CLEC3B: variants seen among roughly 807,000 people sequenced by gnomAD.
CLEC3B encodes tetranectin.
CLEC3B carries 13 observed loss-of-function variants against 15.4 expected under a neutral mutation model. The observed-to-expected ratio is 0.84, with a 90% CI of 0.55 to 1.34. CLEC3B has a LOEUF of 1.34. Among genes scored for constraint, CLEC3B ranks in the 40% most tolerant of loss-of-function variants. The pLI, the probability that CLEC3B is intolerant of heterozygous loss-of-function variation, is 0.00. For missense variants in CLEC3B, 242 were observed against 268.6 expected, an observed-to-expected ratio of 0.90 and a Z score of 0.69; for synonymous variants, 112 against 114.7, an observed-to-expected ratio of 0.98 and a Z score of 0.15.
chr3:45,026,367 A>G lies in CLEC3B; in HGVS notation c.5A>G (p.Glu2Gly). 1.2e-6 allele frequency: 2 copies of G among 1,613,582 alleles called. No homozygotes were observed. Among genetic ancestry groups the G allele is most frequent in the East Asian group, 2.2e-5 (1 of 44,864 alleles). The part of the protein sequence containing the change: M[E>G]LWGAYLLLCL... Reference sequence around the variant, plus strand: ...AGCCCCCGCCCGCGCAGCAGCATGGAGCTCTGGGGGGCCTACCTCCTCCTC... The same window carrying G: ...AGCCCCCGCCCGCGCAGCAGCATGGGGCTCTGGGGGGCCTACCTCCTCCTC... The change falls in exon 1 of 3, where the codon GAG becomes GGG. Residue 2 changes from glutamate to glycine, a missense_variant. Glu to Gly is a moderately conservative substitution (Grantham distance 98, BLOSUM62 -2). Transcript: ENST00000296130.
rs1697542003 is a variant in CLEC3B at position 45,030,729 on chromosome 3, G to T, written c.110-98G>T. On this transcript the variant is annotated intron_variant, in intron 1 of 2. Coordinates refer to ENST00000296130, the MANE Select transcript of CLEC3B (RefSeq NM_003278.3). ...GAGAGAAAGTTTCCCAAGATATCAA[G>T]GTTGAGGGGAGTCTTTTCCTCTCAT... The T allele has an allele frequency of 3.9e-6, 3 of 777,392 alleles. No individual in the cohort carries two copies. The South Asian group carries it at 5.1e-5, about 13-fold the overall frequency. The allele number at this position is 777,392 out of a possible 1,614,324, so 48.2% of individuals were successfully genotyped here.
chr3:45,028,166 T>A (rs562513533), intron 1 of CLEC3B, among the ~76,000 whole-genome samples: 165 of 152,328 alleles, frequency 1.1e-3, no homozygotes, highest in African/African-American at 3.5e-3. Flanking sequence ...GTCTATATGC[T>A]GGACACACAG....
intron 1 of CLEC3B, among the ~76,000 whole-genome samples, chr3:45,028,772 C>G (rs1370360876): frequency 6.6e-6 from 1 of 152,094 alleles, no homozygotes; most frequent in Non-Finnish European, 1.5e-5. Context: ...AAAGAAGGGA[C>G]GGTCATGCCA....
At chr3:45,035,480 G>A (rs371205962) in intron 2 of CLEC3B, 44 bp from the exon 3 acceptor site, 80 of 1,555,792 alleles carry the variant, frequency 5.1e-5, no homozygotes, top group Non-Finnish European at 3.1e-5. Flanking sequence ...TTTGCCTGGG[G>A]AACAGGGGGA....
chr3:45,030,718 C>T (rs1697541941), intron 1 of CLEC3B, 109 bp from the exon 2 acceptor site: 1 of 723,730 alleles, frequency 1.4e-6, no homozygotes, highest in Non-Finnish European at 2.3e-6. Context: ...GAAAGTTTCC[C>T]AAGATATCAA....
intron 1 of CLEC3B, among the ~76,000 whole-genome samples, chr3:45,028,149 G>A (rs1697508511): frequency 6.6e-6 from 1 of 152,164 alleles, no homozygotes; most frequent in African/African-American, 2.4e-5. Flanking sequence ...TCTCCACGTA[G>A]GCACCAGTCT....
intron 2 of CLEC3B, among the ~76,000 whole-genome samples, chr3:45,032,812 T>TA (rs1461441353): frequency 5.9e-5 from 9 of 152,216 alleles, no homozygotes. Context: ...AGTAGGTAGT[T>TA]ATAAGTTTTT....
chr3:45,035,909 G>A lies in CLEC3B; in HGVS notation c.594G>A (p.Gln198=), dbSNP rs1697638172. The change falls in exon 3 of 3, where the codon CAG becomes CAA. Residue 198 remains glutamine (Q), a synonymous_variant. Coordinates refer to ENST00000296130, the MANE Select transcript of CLEC3B (RefSeq NM_003278.3). ...GCGATCAGCTGCCCTACATCTGCCA[G>A]TTCGGGATCGTGTAGCCGGCGGGGC... ...RCRDQLPYIC[Q]FGIV The A allele has an allele frequency of 4.4e-6, 7 of 1,594,330 alleles. No individual in the cohort carries two copies. Among genetic ancestry groups the A allele is most frequent in the Admixed American group, 3.4e-5 (2 of 59,636 alleles).
At position 45,036,055 on chromosome 3, in the gene CLEC3B, C is replaced by G; in HGVS notation, c.*131C>G. On this transcript the variant is annotated 3_prime_UTR_variant, in exon 3 of 3. Coordinates refer to ENST00000296130, the MANE Select transcript of CLEC3B (RefSeq NM_003278.3). ...CCTCTTTTTGCAAATAAAGTTGGTGCAGCTTCGCGGAGAGGAGAGGCGCTG... is the reference window on the plus strand; with the variant it reads ...CCTCTTTTTGCAAATAAAGTTGGTGGAGCTTCGCGGAGAGGAGAGGCGCTG... 1 of 1,138,630 alleles carries G rather than the reference C, an allele frequency of 8.8e-7. No individual in the cohort carries two copies. Among genetic ancestry groups the G allele is most frequent in the South Asian group, 1.6e-5 (1 of 61,510 alleles). The allele number at this position is 1,138,630 out of a possible 1,614,324, so 70.5% of individuals were successfully genotyped here. A position where few individuals can be genotyped will look rare whatever the true frequency, so the allele number is the denominator to read the frequency against.
At chr3:45,028,555 G>A (rs367880302) in intron 1 of CLEC3B, among the ~76,000 whole-genome samples, 6 of 152,256 alleles carry the variant, frequency 3.9e-5, no homozygotes, top group African/African-American at 9.6e-5. Context: ...GTGAGACTCC[G>A]TCTCAAAAAT....
In CLEC3B at chr3:45,035,918, C is replaced by G; in HGVS notation, c.603C>G (p.Ile201Met). ...TGCCCTACATCTGCCAGTTCGGGATCGTGTAGCCGGCGGGGCGGGGGCCGT... is the reference window on the plus strand; with the variant it reads ...TGCCCTACATCTGCCAGTTCGGGATGGTGTAGCCGGCGGGGCGGGGGCCGT... Reference protein sequence around the residue: ...DQLPYICQFGIV With the variant: ...DQLPYICQFGMV Residue 201 changes from isoleucine to methionine, a missense_variant, in exon 3 of 3, where the codon ATC becomes ATG. Ile to Met is a conservative substitution (Grantham distance 10). Transcript: ENST00000296130. 3 of 1,479,144 alleles carry G rather than the reference C, an allele frequency of 2.0e-6. No homozygotes were observed. The highest frequency in any genetic ancestry group is 2.7e-6 in the Non-Finnish European group (3 of 1,092,142). 91.6% of individuals were successfully genotyped at this position (1,479,144 alleles called of 1,614,324 possible).
rs955745250 is a variant in CLEC3B at position 45,036,056 on chromosome 3, A to C, written c.*132A>C. On this transcript the variant is annotated 3_prime_UTR_variant, in exon 3 of 3. Coordinates refer to ENST00000296130, the MANE Select transcript of CLEC3B (RefSeq NM_003278.3). ...CTCTTTTTGCAAATAAAGTTGGTGC[A>C]GCTTCGCGGAGAGGAGAGGCGCTGC... is the stretch of plus-strand genomic sequence containing the variant. The C allele has an allele frequency of 9.1e-7, 1 of 1,103,954 alleles. No homozygotes were observed. Among genetic ancestry groups the C allele is most frequent in the Non-Finnish European group, 1.3e-6 (1 of 797,162 alleles). 68.4% of individuals were successfully genotyped at this position (1,103,954 alleles called of 1,614,324 possible). A position where few individuals can be genotyped will look rare whatever the true frequency, so the allele number is the denominator to read the frequency against.
At position 45,033,549 on chromosome 3, in the gene CLEC3B, G is replaced by A. The variant is rs183220141; in HGVS notation, c.209-1975G>A. Among the ~76,000 whole-genome samples, 249 of 152,286 alleles carry A rather than the reference G, an allele frequency of 1.6e-3. 3 individuals are homozygous for A. Among genetic ancestry groups the A allele is most frequent in the Admixed American group, 0.016 (241 of 15,292 alleles). On this transcript the variant is annotated intron_variant, in intron 2 of 2. Transcript: ENST00000296130. ...TCTCTGCCAGGCACAAGGAGGCAGA[G>A]GTGATGCAGCCAGGGCCCTGCTCCC...
At chr3:45,028,891 G>T (rs184729983) in intron 1 of CLEC3B, among the ~76,000 whole-genome samples, 279 of 152,338 alleles carry the variant, frequency 1.8e-3, no homozygotes, top group South Asian at 5.0e-3. Context: ...CTCAGGGTGG[G>T]TGAGAAGCGG....
intron 2 of CLEC3B, 36 bp downstream of exon 2, chr3:45,030,961 T>A: frequency 1.4e-6 from 2 of 1,456,028 alleles, no homozygotes; most frequent in South Asian, 1.2e-5. Flanking sequence ...GGCAGGAGCG[T>A]CTGAGAGAAG....
intron 1 of CLEC3B, chr3:45,030,226 C>T: frequency 1.0e-6 from 1 of 986,292 alleles, no homozygotes; most frequent in Non-Finnish European, 1.2e-6. Context: ...ACACACTCAG[C>T]CAAGCACTGA....
intron 1 of CLEC3B, among the ~76,000 whole-genome samples, 193 bp from the exon 2 acceptor site, chr3:45,030,634 C>T (rs1476247071): frequency 6.6e-6 from 1 of 152,210 alleles, no homozygotes; most frequent in African/African-American, 2.4e-5. Context: ...AGCACAGGAG[C>T]AAGTGAAGGA....
At position 45,026,473 on chromosome 3, in the gene CLEC3B, TAAG is replaced by T. The variant is rs752188377; in HGVS notation, c.109+3_109+5del. The T allele has an allele frequency of 1.7e-5, 27 of 1,613,192 alleles. No individual in the cohort carries two copies. Among genetic ancestry groups the T allele is most frequent in the Non-Finnish European group, 2.2e-5 (26 of 1,179,394 alleles). On this transcript the variant is annotated splice_donor_5th_base_variant and intron_variant, in intron 1 of 2. Coordinates refer to ENST00000296130, the MANE Select transcript of CLEC3B (RefSeq NM_003278.3). ...AGAAGATTGTAAATGCCAAGAAAGG[TAAG>T]GAGGGGGACAGAGCCCTGTGCCATC...
intron 2 of CLEC3B, 132 bp from the exon 3 acceptor site, chr3:45,035,392 G>A: frequency 8.0e-7 from 1 of 1,248,388 alleles, no homozygotes; most frequent in Non-Finnish European, 1.1e-6. Flanking sequence ...CTTTTGCCTG[G>A]GTCTAAGGGG....
Sources: allele counts gnomAD v4.1 joint callset (sites outside exome capture counted in the v4.1 genomes callset), GRCh38; gene constraint gnomAD v4.1.1; transcripts MANE v1.5; gene names NCBI Gene and HGNC (gene_info 2026-07-23, HGNC 2026-07-21).